The following KLHDC10 variants were observed in gnomAD, a reference collection of about 807,000 sequenced individuals.
The protein encoded by KLHDC10 is kelch domain containing 10.
Under a neutral mutation model 56.1 loss-of-function variants are expected in KLHDC10, and 24 were observed. The ratio of observed to expected loss-of-function variants is 0.43; its 90% CI spans 0.31 to 0.60. KLHDC10 has a LOEUF of 0.60. Ranked by LOEUF, KLHDC10 falls within the 20% of genes least tolerant of loss-of-function variation. KLHDC10 has a pLI of 0.11. For synonymous variants in KLHDC10, 188 were observed against 207.1 expected, an observed-to-expected ratio of 0.91 and a Z score of 0.79; for missense variants, 349 against 567.0, an observed-to-expected ratio of 0.62 and a Z score of 3.91.
chr7:130,119,217 A>AAT (rs1554467129), intron 3 of KLHDC10, among the ~76,000 whole-genome samples: 18 of 150,644 alleles, frequency 1.2e-4, no homozygotes, highest in East Asian at 5.9e-4. Context: ...CAAAAAAAAA[A>AAT]AAATAAATAA....
chr7:130,102,665 A>C (rs879911778), intron 2 of KLHDC10, among the ~76,000 whole-genome samples: 5 of 152,032 alleles, frequency 3.3e-5, no homozygotes, highest in African/African-American at 7.2e-5. Context: ...ATCTCTACTA[A>C]AAATACTAAA....
chr7:130,090,512 C>A (rs1727572619), intron 1 of KLHDC10, among the ~76,000 whole-genome samples: 1 of 151,546 alleles, frequency 6.6e-6, no homozygotes, highest in Non-Finnish European at 1.5e-5. Flanking sequence ...CGCCTGAGCC[C>A]ACGAGGTGGA....
At position 130,128,888 on chromosome 7, in the gene KLHDC10, AAATATATATATATATATAT is replaced by A. The variant is rs1796351008; in HGVS notation, c.980-547_980-529del. 2.0e-5 allele frequency among the ~76,000 whole-genome samples: 2 copies of A among 98,448 alleles called. 1 individual carries two copies. Among genetic ancestry groups the A allele is most frequent in the Non-Finnish European group, 4.1e-5 (2 of 49,214 alleles). 64.6% of individuals were successfully genotyped at this position (98,448 alleles called of 152,430 possible). On this transcript the variant is annotated intron_variant, in intron 8 of 9. Transcript: ENST00000335420. ...GACCTTGTCTCTTAAAAAAAAAAAAAAATATATATATATATATATATATATATATATACATACTAGCCAA... is the reference window on the plus strand; with the variant it reads ...GACCTTGTCTCTTAAAAAAAAAAAAAATATATATATATACATACTAGCCAA...
chr7:130,111,200 A>T (rs887039235), intron 2 of KLHDC10, among the ~76,000 whole-genome samples: 1 of 152,178 alleles, frequency 6.6e-6, no homozygotes, highest in Non-Finnish European at 1.5e-5. Flanking sequence ...ATAAATTCTG[A>T]TGTATTCGAA....
At chr7:130,091,168 A>G (rs562835967) in intron 1 of KLHDC10, among the ~76,000 whole-genome samples, 125 of 152,246 alleles carry the variant, frequency 8.2e-4, no homozygotes, top group Non-Finnish European at 1.3e-3. Flanking sequence ...TTTTGTGTGG[A>G]CATAAGTTTT....
At chr7:130,103,526 C>A (rs186988622) in intron 2 of KLHDC10, among the ~76,000 whole-genome samples, 38 of 152,152 alleles carry the variant, frequency 2.5e-4, no homozygotes, top group Admixed American at 6.5e-4. Flanking sequence ...AAAGTACCTC[C>A]CTATACGTTA....
At chr7:130,094,032 T>G (rs899788566) in intron 1 of KLHDC10, among the ~76,000 whole-genome samples, 2 of 152,136 alleles carry the variant, frequency 1.3e-5, no homozygotes, top group African/African-American at 4.8e-5. Flanking sequence ...CCAGCAATTC[T>G]CCTGTCTCAG....
At chr7:130,125,689 T>C (rs140571215) in intron 6 of KLHDC10, among the ~76,000 whole-genome samples, 176 bp from the exon 7 acceptor site, 326 of 152,358 alleles carry the variant, frequency 2.1e-3, no homozygotes, top group African/African-American at 7.1e-3. Context: ...TTACGCAGGC[T>C]GCTGCTGTTA....
At chr7:130,079,437 C>G (rs1795567151) in intron 1 of KLHDC10, among the ~76,000 whole-genome samples, 1 of 152,072 alleles carries the variant, frequency 6.6e-6, no homozygotes, top group South Asian at 2.1e-4. Flanking sequence ...TTTTCAGCAT[C>G]TATGGGAATT....
Position 130,093,129 on chromosome 7 carries a change from T to A in KLHDC10, c.167-3792T>A, listed in dbSNP as rs140516836. On this transcript the variant is annotated intron_variant, in intron 1 of 9. Coordinates refer to ENST00000335420, the MANE Select transcript of KLHDC10 (RefSeq NM_014997.4). ...TGACTATGTTATATTTATAGTGAAG[T>A]AAACATAGTAAGAAAGAGAAAAAAC... Among the ~76,000 whole-genome samples, 413 of 152,130 alleles carry A rather than the reference T, an allele frequency of 2.7e-3. 2 individuals carry two copies. The highest frequency in any genetic ancestry group is 9.3e-3 in the African/African-American group (388 of 41,500).
intron 1 of KLHDC10, among the ~76,000 whole-genome samples, chr7:130,093,850 C>T (rs1439661834): frequency 6.6e-6 from 1 of 151,990 alleles, no homozygotes; most frequent in African/African-American, 2.4e-5. Context: ...AGAGACATGC[C>T]AAAGATGTTT....
intron 2 of KLHDC10, among the ~76,000 whole-genome samples, chr7:130,113,050 AT>A (rs1796122128): frequency 6.6e-6 from 1 of 152,224 alleles, no homozygotes; most frequent in South Asian, 2.1e-4. Flanking sequence ...TAAAAATATC[AT>A]TTCAACATAC....
rs932175263 is a variant in KLHDC10 at position 130,133,135 on chromosome 7, C to G, written c.*2389C>G. 6.6e-6 allele frequency: 1 copy of G among 152,182 alleles called. No individual in the cohort carries two copies. Among genetic ancestry groups the G allele is most frequent in the Non-Finnish European group, 1.5e-5 (1 of 68,034 alleles). The allele number at this position is 152,182 out of a possible 1,614,324, so 9.4% of individuals were successfully genotyped here. On this transcript the variant is annotated 3_prime_UTR_variant, in exon 10 of 10. Transcript: ENST00000335420. ...CACTAGTAAAAATGACATGGTATGACCAGCACTGAGTGCTATAGAACCACA... is the reference window on the plus strand; with the variant it reads ...CACTAGTAAAAATGACATGGTATGAGCAGCACTGAGTGCTATAGAACCACA...
intron 6 of KLHDC10, among the ~76,000 whole-genome samples, chr7:130,125,181 A>T (rs1416368939): frequency 6.6e-6 from 1 of 152,250 alleles, no homozygotes; most frequent in Non-Finnish European, 1.5e-5. Context: ...AACATATAGA[A>T]GAAAATCAAG....
intron 2 of KLHDC10, among the ~76,000 whole-genome samples, chr7:130,109,164 C>T (rs1584632551): frequency 1.3e-5 from 2 of 151,936 alleles, no homozygotes; most frequent in East Asian, 3.9e-4. Flanking sequence ...GCCTTGGCCT[C>T]CCACAGTGCT....
At chr7:130,104,888 A>G (rs1795988007) in intron 2 of KLHDC10, among the ~76,000 whole-genome samples, 1 of 152,196 alleles carries the variant, frequency 6.6e-6, no homozygotes, top group African/African-American at 2.4e-5. Context: ...ACCATGCCCC[A>G]TCTCCAACAC....
chr7:130,101,573 T>C (rs1261132642), intron 2 of KLHDC10, among the ~76,000 whole-genome samples: 1 of 152,106 alleles, frequency 6.6e-6, no homozygotes, highest in Non-Finnish European at 1.5e-5. Context: ...TAAAGCACCC[T>C]AGCAATGGCA....
In KLHDC10 at chr7:130,120,361, AT is replaced by A; in HGVS notation, c.476-387del. Among the ~76,000 whole-genome samples the A allele has an allele frequency of 6.6e-6, 1 of 152,218 alleles. No individual in the cohort carries two copies. Among genetic ancestry groups the A allele is most frequent in the Non-Finnish European group, 1.5e-5 (1 of 68,032 alleles). On this transcript the variant is annotated intron_variant, in intron 3 of 9. Transcript: ENST00000335420. This position sits in a 1 kb window ranked among gnomAD's most constrained non-coding sequence, Gnocchi z 5.1. Reference sequence around the variant, plus strand: ...GATAGAGCCCATATAGTGGAATTAGATCTTTTTCTGCAGAACTTTGTAGTAT... The same window carrying A: ...GATAGAGCCCATATAGTGGAATTAGACTTTTTCTGCAGAACTTTGTAGTAT...
intron 4 of KLHDC10, among the ~76,000 whole-genome samples, chr7:130,121,555 C>T (rs1353139311): frequency 1.3e-5 from 2 of 152,168 alleles, no homozygotes; most frequent in African/African-American, 2.4e-5. Context: ...TTGTTGCTTC[C>T]ACAGGAGGCA....
Sources: allele counts gnomAD v4.1 joint callset (sites outside exome capture counted in the v4.1 genomes callset), GRCh38; gene constraint gnomAD v4.1.1; non-coding constraint Gnocchi (gnomAD v3.1); transcripts MANE v1.5; gene names NCBI Gene and HGNC (gene_info 2026-07-23, HGNC 2026-07-21).